The following RTF2 variants were observed in gnomAD, a reference collection of about 807,000 sequenced individuals.
RTF2 encodes the protein UPF0549 protein C20orf43.
RTF2 carries 18 observed loss-of-function variants against 38.0 expected under a neutral mutation model. The observed-to-expected ratio is 0.47, with a 90% CI of 0.33 to 0.70. The LOEUF (loss-of-function observed/expected upper bound fraction) is 0.70, where lower values mean the gene tolerates loss of function less well. RTF2 is among the 30% of genes least tolerant of loss of function. RTF2 has a pLI of 0.02. For synonymous variants in RTF2, 126 were observed against 137.1 expected, an observed-to-expected ratio of 0.92 and a Z score of 0.57; for missense variants, 311 against 379.6, an observed-to-expected ratio of 0.82 and a Z score of 1.50.
At chr20:56,470,807 C>T (rs892747157) in intron 1 of RTF2, 11 of 385,200 alleles carry the variant, frequency 2.9e-5, no homozygotes, top group African/African-American at 6.3e-5. Flanking sequence ...TCTGGGTTGC[C>T]GACAACATCC....
In RTF2 at chr20:56,518,676, A is replaced by G. The variant is rs571779319; in HGVS notation, c.*411A>G. 3 of 157,698 alleles carry G rather than the reference A, an allele frequency of 1.9e-5. No homozygotes were observed. The highest frequency in any genetic ancestry group is 4.2e-5 in the Non-Finnish European group (3 of 71,872). The allele number at this position is 157,698 out of a possible 1,614,324, so 9.8% of individuals were successfully genotyped here. On this transcript the variant is annotated 3_prime_UTR_variant, in exon 9 of 9. Transcript: ENST00000357348. ...GTAGGCCAAGTGAAACTGGGCTTTA[A>G]AAAGGATGGATTTCAAATACACTGT... is the stretch of plus-strand genomic sequence containing the variant.
chr20:56,502,193 T>C (rs1056113130), intron 5 of RTF2, among the ~76,000 whole-genome samples: 4 of 152,216 alleles, frequency 2.6e-5, no homozygotes, highest in African/African-American at 7.2e-5. Context: ...TTAACTTTTT[T>C]CCCGTTTATG....
intron 5 of RTF2, among the ~76,000 whole-genome samples, chr20:56,502,246 T>C (rs772876087): frequency 5.3e-5 from 8 of 152,252 alleles, no homozygotes; most frequent in Non-Finnish European, 1.2e-4. Flanking sequence ...TTTCCAGTTA[T>C]AATTCTCAGA....
At chr20:56,490,456 A>G (rs999580195) in intron 5 of RTF2, among the ~76,000 whole-genome samples, 1 of 152,226 alleles carries the variant, frequency 6.6e-6, no homozygotes. Context: ...AGAGATAATC[A>G]TGGCCATTCA....
chr20:56,510,450 A>G (rs1398996879), intron 5 of RTF2, among the ~76,000 whole-genome samples: 1 of 152,194 alleles, frequency 6.6e-6, no homozygotes, highest in African/African-American at 2.4e-5. Context: ...ATGCTCTTCT[A>G]AGAGTTAGCT....
chr20:56,499,426 C>A (rs985506390), intron 5 of RTF2, among the ~76,000 whole-genome samples: 4 of 151,950 alleles, frequency 2.6e-5, no homozygotes, highest in African/African-American at 9.7e-5. Context: ...CGTGATCCAC[C>A]CGCCTAGGCC....
Position 56,498,667 on chromosome 20 carries a change from T to C in RTF2, c.477+14478T>C, listed in dbSNP as rs569712277. 2.6e-5 allele frequency among the ~76,000 whole-genome samples: 4 copies of C among 152,286 alleles called. No homozygotes were observed. In the East Asian group the frequency reaches 7.7e-4, roughly 29 times the overall value. ...AAAGTGACCAAAAGGTTTCAGTTAA[T>C]TAATTATTACACGCAAGGATCATTC... On this transcript the variant is annotated intron_variant, in intron 5 of 8. Coordinates refer to ENST00000357348, the MANE Select transcript of RTF2 (RefSeq NM_016407.5).
intron 5 of RTF2, among the ~76,000 whole-genome samples, chr20:56,506,057 G>T (rs571441472): frequency 6.6e-6 from 1 of 152,280 alleles, no homozygotes; most frequent in African/African-American, 2.4e-5. Context: ...ATATTTTCAT[G>T]CAAGCTTTTG....
At chr20:56,491,002 A>G (rs1304108708) in intron 5 of RTF2, among the ~76,000 whole-genome samples, 1 of 152,214 alleles carries the variant, frequency 6.6e-6, no homozygotes, top group Non-Finnish European at 1.5e-5. Flanking sequence ...ACATGTCAAG[A>G]CCGCAGACAC....
At chr20:56,505,930 G>GT (rs1446842710) in intron 5 of RTF2, among the ~76,000 whole-genome samples, 1 of 152,088 alleles carries the variant, frequency 6.6e-6, no homozygotes, top group Non-Finnish European at 1.5e-5. Flanking sequence ...ATACAGTGGG[G>GT]TTTTTTTATG....
At chr20:56,469,750 C>G (rs1332282278) in intron 1 of RTF2, among the ~76,000 whole-genome samples, 1 of 151,124 alleles carries the variant, frequency 6.6e-6, no homozygotes, top group South Asian at 2.1e-4. Context: ...CTCGTCAGAC[C>G]CTTGAGCAGA....
intron 5 of RTF2, among the ~76,000 whole-genome samples, chr20:56,488,321 A>G (rs1210825112): frequency 1.3e-5 from 2 of 152,118 alleles, no homozygotes; most frequent in East Asian, 3.9e-4. Context: ...AGATCACGCC[A>G]CTGCACTCCA....
At chr20:56,492,332 C>T (rs913439716) in intron 5 of RTF2, among the ~76,000 whole-genome samples, 33 of 151,278 alleles carry the variant, frequency 2.2e-4, no homozygotes, top group Admixed American at 3.9e-4. Context: ...CCCACCTCGG[C>T]CTCCCAAAGT....
At chr20:56,513,562 C>A (rs1271887948) in intron 6 of RTF2, 134 bp downstream of exon 6, 16 of 1,132,956 alleles carry the variant, frequency 1.4e-5, no homozygotes, top group Middle Eastern at 2.4e-4. Context: ...AGGGCCTGGA[C>A]TGTAGAAGCA....
chr20:56,476,756 C>T (rs1181449300), intron 3 of RTF2, among the ~76,000 whole-genome samples: 1 of 152,162 alleles, frequency 6.6e-6, no homozygotes, highest in Non-Finnish European at 1.5e-5. Context: ...GCCTCGGCCT[C>T]CCAAAGTGCT....
At chr20:56,474,432 G>C (rs556353965) in intron 2 of RTF2, among the ~76,000 whole-genome samples, 20 of 152,320 alleles carry the variant, frequency 1.3e-4, no homozygotes, top group African/African-American at 4.1e-4. Flanking sequence ...AGTGAGCTGA[G>C]ATTGCACCAT....
At chr20:56,469,272 A>C (rs1428710453) in intron 1 of RTF2, among the ~76,000 whole-genome samples, 2 of 152,258 alleles carry the variant, frequency 1.3e-5, no homozygotes, top group Non-Finnish European at 2.9e-5. Flanking sequence ...ATTTGTATCA[A>C]GTCTTCCCCG....
chr20:56,515,438 G>A (rs1054346737), intron 6 of RTF2, among the ~76,000 whole-genome samples: 1 of 152,154 alleles, frequency 6.6e-6, no homozygotes, highest in African/African-American at 2.4e-5. Context: ...TGGATGTGGT[G>A]GCGTGCGCCA....
chr20:56,511,855 C>T lies in RTF2; in HGVS notation c.478-1460C>T, dbSNP rs1423452355. On this transcript the variant is annotated intron_variant, in intron 5 of 8. Transcript: ENST00000357348. ...TTAGACCCCTCTTTTTTTTTTGAGA[C>T]GGAGTCTCGCTCTGTCGCCCAGGCT... 8.6e-5 allele frequency among the ~76,000 whole-genome samples: 13 copies of T among 151,788 alleles called. No individual in the cohort carries two copies. In the South Asian group the frequency reaches 2.3e-3, roughly 27 times the overall value.
Sources: gnomAD v4.1 joint callset for allele counts (sites outside exome capture counted in the v4.1 genomes callset) on GRCh38, gnomAD v4.1.1 for gene constraint, MANE v1.5 for transcripts, NCBI Gene and HGNC (gene_info 2026-07-23, HGNC 2026-07-21) for gene names.